Variants in GRID2 observed in about 807,000 individuals in gnomAD.
The protein encoded by GRID2 is glutamate receptor ionotropic, delta-2.
In GRID2, 33 loss-of-function variants were observed where a neutral mutation model predicts 114.8. The ratio of observed to expected loss-of-function variants is 0.29; its 90% CI spans 0.22 to 0.38. The LOEUF is 0.38. Among genes scored for constraint, GRID2 ranks in the 10% least tolerant of loss-of-function variants. The pLI is 1.00. For missense variants in GRID2, 1,184 were observed against 1,257.7 expected (o/e 0.94, Z 0.89); for synonymous variants, 505 against 449.9 (o/e 1.12, Z -1.55).
chr4:93,734,529 A>G (rs1333557690), intron 14 of GRID2, among the ~76,000 whole-genome samples: 1 of 152,002 alleles, frequency 6.6e-6, no homozygotes, highest in African/African-American at 2.4e-5. Context: ...CCCAACATAA[A>G]ATTAAATTAA....
chr4:93,353,153 C>T (rs1040280747), intron 8 of GRID2, among the ~76,000 whole-genome samples: 1 of 151,920 alleles, frequency 6.6e-6, no homozygotes, highest in South Asian at 2.1e-4. Flanking sequence ...TGAGGTAACA[C>T]ATAGTAGTGA....
chr4:92,390,707 G>C (rs994493792), intron 1 of GRID2, among the ~76,000 whole-genome samples: 12 of 152,220 alleles, frequency 7.9e-5, no homozygotes, highest in African/African-American at 2.6e-4. Context: ...TTCCAGGATC[G>C]ATGAGAGGAA....
chr4:93,421,768 A>G (rs1206929571), intron 9 of GRID2, among the ~76,000 whole-genome samples: 1 of 152,048 alleles, frequency 6.6e-6, no homozygotes. Context: ...TTTATAAGCT[A>G]CTTACAGTGT....
chr4:92,504,850 A>C (rs1183794494), intron 1 of GRID2, among the ~76,000 whole-genome samples: 2 of 152,062 alleles, frequency 1.3e-5, no homozygotes, highest in African/African-American at 2.4e-5. Context: ...TGGGATATCA[A>C]AACTTTAGGT....
intron 1 of GRID2, among the ~76,000 whole-genome samples, chr4:92,487,973 T>G (rs1229156657): frequency 6.6e-6 from 1 of 152,192 alleles, no homozygotes; most frequent in African/African-American, 2.4e-5. Flanking sequence ...ATTTATTTAT[T>G]CTTTGTTTTT....
chr4:93,507,987 A>G (rs1728790607), intron 12 of GRID2, among the ~76,000 whole-genome samples: 1 of 152,070 alleles, frequency 6.6e-6, no homozygotes, highest in Admixed American at 6.6e-5. Context: ...GAAGGGGAAC[A>G]TCACACACCG....
intron 2 of GRID2, chr4:92,823,036 G>T (rs988452334): frequency 6.6e-6 from 1 of 151,992 alleles, no homozygotes; most frequent in Non-Finnish European, 1.5e-5. Flanking sequence ...AGCCAAGCAG[G>T]GAAATTTTAA....
At chr4:93,713,919 T>A (rs750173551) in intron 14 of GRID2, among the ~76,000 whole-genome samples, 3 of 152,184 alleles carry the variant, frequency 2.0e-5, no homozygotes, top group African/African-American at 7.2e-5. Flanking sequence ...CTTTTTCTTA[T>A]ACTTTGCCAT....
At chr4:92,664,742 C>T (rs1165091887) in intron 2 of GRID2, among the ~76,000 whole-genome samples, 2 of 151,108 alleles carry the variant, frequency 1.3e-5, no homozygotes, top group Non-Finnish European at 3.0e-5. Context: ...GTTTACATAT[C>T]TTCATGCAGT....
intron 9 of GRID2, among the ~76,000 whole-genome samples, chr4:93,407,210 C>T (rs866396297): frequency 1.9e-4 from 29 of 152,072 alleles, no homozygotes; most frequent in African/African-American, 6.8e-4. Context: ...TTACATGGTA[C>T]TCTAGGAGAG....
chr4:92,657,746 A>G (rs1732318699), intron 2 of GRID2, among the ~76,000 whole-genome samples: 1 of 151,706 alleles, frequency 6.6e-6, no homozygotes, highest in East Asian at 1.9e-4. Flanking sequence ...TTTATTTTTT[A>G]TTGAAAAAAT....
chr4:92,310,269 A>T (rs903723130), intron 1 of GRID2, among the ~76,000 whole-genome samples: 1 of 152,010 alleles, frequency 6.6e-6, no homozygotes, highest in Non-Finnish European at 1.5e-5. Flanking sequence ...ATATTTCATT[A>T]TAAGAATAAT....
intron 13 of GRID2, among the ~76,000 whole-genome samples, chr4:93,549,221 T>A (rs1437272495): frequency 1.3e-5 from 2 of 152,036 alleles, no homozygotes; most frequent in African/African-American, 4.8e-5. Flanking sequence ...TCAGGAAAAA[T>A]GAAAGAGTCA....
intron 4 of GRID2, among the ~76,000 whole-genome samples, chr4:93,169,054 TA>T (rs890103481): frequency 1.3e-5 from 2 of 151,862 alleles, no homozygotes; most frequent in African/African-American, 4.8e-5. Context: ...TACTATTTTT[TA>T]AAAAACAGTG....
chr4:93,536,151 A>G (rs773141480), intron 13 of GRID2, among the ~76,000 whole-genome samples: 1 of 152,032 alleles, frequency 6.6e-6, no homozygotes, highest in Admixed American at 6.6e-5. Flanking sequence ...TATAGATTCA[A>G]TGAAATCCTT....
chr4:93,059,625 A>G (rs761521976), intron 2 of GRID2, among the ~76,000 whole-genome samples: 2 of 152,160 alleles, frequency 1.3e-5, no homozygotes, highest in Non-Finnish European at 2.9e-5. Flanking sequence ...GTTATGAAAT[A>G]TGTTAACAGT....
chr4:92,468,339 A>G (rs1327953581), intron 1 of GRID2, among the ~76,000 whole-genome samples: 1 of 151,882 alleles, frequency 6.6e-6, no homozygotes, highest in Non-Finnish European at 1.5e-5. Context: ...TTACCCTGCT[A>G]GTAGAAAGTG....
chr4:93,785,825 T>C (rs1169939842), intron 1 of GRID2, among the ~76,000 whole-genome samples: 1 of 151,348 alleles, frequency 6.6e-6, no homozygotes, highest in Non-Finnish European at 1.5e-5. Flanking sequence ...AGTCCAGTAG[T>C]AAAGAGGTGG....
At chr4:93,484,120 G>A (rs1489158743) in intron 11 of GRID2, among the ~76,000 whole-genome samples, 1 of 151,588 alleles carries the variant, frequency 6.6e-6, no homozygotes, top group Non-Finnish European at 1.5e-5. Flanking sequence ...GTTTTTAATT[G>A]TGAAGTATTA....
Sources: gnomAD v4.1 joint callset for allele counts (sites outside exome capture counted in the v4.1 genomes callset) on GRCh38, gnomAD v4.1.1 for gene constraint, MANE v1.5 for transcripts, NCBI Gene and HGNC (gene_info 2026-07-23, HGNC 2026-07-21) for gene names.